Variants in PRKD1 observed in about 807,000 individuals in gnomAD.
The protein encoded by PRKD1 is protein kinase D1, also known as serine/threonine-protein kinase D1.
A neutral mutation model predicts 95.9 loss-of-function variants in PRKD1; 63 were observed. The ratio of observed to expected loss-of-function variants is 0.66; its 90% CI spans 0.54 to 0.81. The LOEUF is 0.81. Among genes scored for constraint, PRKD1 ranks in the 30% least tolerant of loss-of-function variants. PRKD1 has a pLI of 0.00. For missense variants in PRKD1, 1,048 were observed against 1,165.3 expected (o/e 0.90, Z 1.47); for synonymous variants, 425 against 423.1 (o/e 1.00, Z -0.05).
chr14:29,802,066 T>C (rs1890056434), intron 1 of PRKD1, among the ~76,000 whole-genome samples: 1 of 149,454 alleles, frequency 6.7e-6, no homozygotes, highest in Non-Finnish European at 1.5e-5. Flanking sequence ...TAAATGCCTG[T>C]GAAAGGAAGG....
chr14:29,876,749 A>G (rs543666296), intron 1 of PRKD1, among the ~76,000 whole-genome samples: 44 of 152,292 alleles, frequency 2.9e-4, no homozygotes, highest in African/African-American at 8.9e-4. Context: ...GCACCCAATC[A>G]AAAACCAGGC....
chr14:29,769,026 T>C (rs1888387765), intron 1 of PRKD1, among the ~76,000 whole-genome samples: 1 of 152,206 alleles, frequency 6.6e-6, no homozygotes, highest in Admixed American at 6.5e-5. Context: ...CAGAGCCAAA[T>C]GTTAGCCTAT....
Position 29,599,808 on chromosome 14 carries a change from G to A in PRKD1, c.1915C>T (p.His639Tyr). The change falls in exon 14 of 18, where the codon CAC becomes TAC. Residue 639 changes from histidine (H) to tyrosine (Y), a missense_variant. By Grantham distance (83) the His-to-Tyr change is moderately conservative. Around this residue, in one of 3 missense-constraint regions of PRKD1, gnomAD observed 739 missense variants for 861.9 expected, o/e 0.86. Transcript: ENST00000331968. ...NEVAILQNLH[H>Y]PGVVNLECMF... is the part of the protein sequence containing the mutation. ...CACTCCAAATTTACAACACCAGGGT[G>A]ATGAAGGTTCTATTAAAGATAAATA... 2 of 1,606,200 alleles carry A rather than the reference G, an allele frequency of 1.2e-6. No individual in the cohort carries two copies. Among genetic ancestry groups the A allele is most frequent in the Non-Finnish European group, 1.7e-6 (2 of 1,177,852 alleles).
At chr14:29,906,937 G>A (rs1296909388) in intron 1 of PRKD1, among the ~76,000 whole-genome samples, 1 of 152,092 alleles carries the variant, frequency 6.6e-6, no homozygotes, top group African/African-American at 2.4e-5. Flanking sequence ...TGTTTGTCAG[G>A]CTTTTTATTA....
At chr14:29,706,870 G>C (rs955562840) in intron 2 of PRKD1, among the ~76,000 whole-genome samples, 2 of 152,144 alleles carry the variant, frequency 1.3e-5, no homozygotes, top group Admixed American at 1.3e-4. Flanking sequence ...TTTCAGGTGA[G>C]ATTCTTAGGG....
intron 2 of PRKD1, among the ~76,000 whole-genome samples, chr14:29,693,420 A>G (rs1022470693): frequency 6.6e-6 from 1 of 152,064 alleles, no homozygotes; most frequent in Admixed American, 6.6e-5. Flanking sequence ...CCACATTATA[A>G]CAAATACAAA....
intron 1 of PRKD1, among the ~76,000 whole-genome samples, chr14:29,887,329 C>T (rs923588800): frequency 6.6e-6 from 1 of 152,154 alleles, no homozygotes; most frequent in Non-Finnish European, 1.5e-5. Context: ...AGGGAGTCAA[C>T]ACAAAGCATG....
intron 1 of PRKD1, among the ~76,000 whole-genome samples, chr14:29,735,373 T>C (rs764236615): frequency 1.3e-5 from 2 of 152,166 alleles, no homozygotes; most frequent in Non-Finnish European, 2.9e-5. Context: ...AGAAAACAAA[T>C]ACTTATTAAA....
At chr14:29,888,832 TCA>T (rs1457974724) in intron 1 of PRKD1, among the ~76,000 whole-genome samples, 1 of 152,230 alleles carries the variant, frequency 6.6e-6, no homozygotes, top group Admixed American at 6.5e-5. Flanking sequence ...TCATATATAT[TCA>T]CCCTTATTTC....
At position 29,776,716 on chromosome 14, in the gene PRKD1, C is replaced by T. The variant is rs376449935; in HGVS notation, c.265-51042G>A. Among the ~76,000 whole-genome samples the T allele has an allele frequency of 1.9e-3, 289 of 152,300 alleles. 2 individuals are homozygous for T. In the South Asian group the frequency reaches 0.027, roughly 14 times the overall value. ...GAGAATGGAACCAAGTTGGAAAACA[C>T]TCTGTAGGATATTATCCAGGAGAAC... On this transcript the variant is annotated intron_variant, in intron 1 of 17. Coordinates refer to ENST00000331968, the MANE Select transcript of PRKD1 (RefSeq NM_002742.3).
rs866364946 is a variant in PRKD1 at position 29,720,796 on chromosome 14, T to A, written c.403+4740A>T. Among the ~76,000 whole-genome samples the A allele has an allele frequency of 6.7e-3, 1,001 of 148,696 alleles. 14 individuals are homozygous for A. The highest frequency in any genetic ancestry group is 0.028 in the South Asian group (132 of 4,710). On this transcript the variant is annotated intron_variant, in intron 2 of 17. Coordinates refer to ENST00000331968, the MANE Select transcript of PRKD1 (RefSeq NM_002742.3). ...TTCTGTCTCAAAAAAAATAAATAAA[T>A]AAATAAATAAATAAATCCTGAAGCC...
chr14:29,638,433 C>T (rs1880522132), intron 6 of PRKD1, 56 bp downstream of exon 6: 6 of 1,587,586 alleles, frequency 3.8e-6, no homozygotes, highest in South Asian at 1.1e-5. Context: ...AAAATTACAT[C>T]ACCACACTCT....
At chr14:29,869,200 T>C (rs1337029092) in intron 1 of PRKD1, among the ~76,000 whole-genome samples, 1 of 152,100 alleles carries the variant, frequency 6.6e-6, no homozygotes, top group Non-Finnish European at 1.5e-5. Flanking sequence ...CCCAGCACTT[T>C]GGGAGGCCGA....
intron 13 of PRKD1, among the ~76,000 whole-genome samples, chr14:29,623,592 ATTACCT>A (rs1402485903): frequency 6.6e-6 from 1 of 152,222 alleles, no homozygotes; most frequent in Non-Finnish European, 1.5e-5. Context: ...GGTTTCAAAA[ATTACCT>A]TTATCACATA....
chr14:29,894,744 G>A (rs773935138), intron 1 of PRKD1, among the ~76,000 whole-genome samples: 1 of 152,164 alleles, frequency 6.6e-6, no homozygotes, highest in Non-Finnish European at 1.5e-5. Flanking sequence ...AGAGACAGTA[G>A]TATTGAGAAT....
intron 2 of PRKD1, among the ~76,000 whole-genome samples, chr14:29,696,470 T>C (rs1340427255): frequency 6.6e-6 from 1 of 152,198 alleles, no homozygotes; most frequent in Admixed American, 6.5e-5. Flanking sequence ...TCTACTAGGT[T>C]CATACTTTAA....
intron 1 of PRKD1, among the ~76,000 whole-genome samples, chr14:29,735,172 A>G (rs2139419960): frequency 6.6e-6 from 1 of 152,336 alleles, no homozygotes; most frequent in South Asian, 2.1e-4. Flanking sequence ...ATTTAATTCT[A>G]TGTAAACTGC....
At chr14:29,597,811 T>G (rs1893364630) in intron 15 of PRKD1, 53 bp from the exon 16 acceptor site, 2 of 1,536,634 alleles carry the variant, frequency 1.3e-6, no homozygotes, top group East Asian at 4.5e-5. Context: ...TGTGTCTGTG[T>G]GTCTTAGTTC....
chr14:29,913,850 G>C (rs1040784187), intron 1 of PRKD1, among the ~76,000 whole-genome samples: 2 of 152,342 alleles, frequency 1.3e-5, no homozygotes, highest in East Asian at 3.9e-4. Context: ...CACAGTACTT[G>C]ACTAACAGAT....
Sources: allele counts gnomAD v4.1 joint callset (sites outside exome capture counted in the v4.1 genomes callset), GRCh38; gene constraint gnomAD v4.1.1; regional missense constraint gnomAD v4.1.1; transcripts MANE v1.5; gene names NCBI Gene and HGNC (gene_info 2026-07-23, HGNC 2026-07-21).